Variants in ABCA1 observed in about 807,000 individuals in gnomAD.
ABCA1 encodes the protein ATP binding cassette subfamily A member 1, also known as phospholipid-transporting ATPase ABCA1.
ABCA1 carries 133 observed loss-of-function variants against 262.5 expected under a neutral mutation model. That is an observed-to-expected ratio of 0.51 (90% confidence interval 0.44 to 0.59). The LOEUF (loss-of-function observed/expected upper bound fraction) is 0.59. Among genes scored for constraint, ABCA1 ranks in the 20% least tolerant of loss-of-function variants. The pLI is 0.00. For synonymous variants in ABCA1, 1,022 were observed against 1,043.5 expected (o/e 0.98, Z 0.40); for missense variants, 2,452 against 2,777.5 (o/e 0.88, Z 2.63).
intron 7 of ABCA1, among the ~76,000 whole-genome samples, chr9:104,852,098 T>C (rs955623329): frequency 5.3e-5 from 8 of 152,262 alleles, no homozygotes; most frequent in Admixed American, 3.9e-4. Context: ...AATGTGTTCA[T>C]TGAAACATTT....
Position 104,818,725 on chromosome 9 carries a change from C to T in ABCA1, c.3400G>A (p.Asp1134Asn). 6.2e-7 allele frequency: 1 copy of T among 1,613,756 alleles called. No individual in the cohort carries two copies. The highest frequency in any genetic ancestry group is 8.5e-7 in the Non-Finnish European group (1 of 1,180,034). ...CAGGAACTGAGGGAGGATTCCACATCTTTCTTGACCAAGGTCAGGTAGTAG... is the reference window on the plus strand; with the variant it reads ...CAGGAACTGAGGGAGGATTCCACATTTTTCTTGACCAAGGTCAGGTAGTAG... ...TGYYLTLVKK[D>N]VESSLSSCRN... is the part of the protein sequence containing the mutation. The change falls in exon 23 of 50, where the codon GAT (aspartate) becomes AAT (asparagine). Residue 1134 changes from aspartate (D) to asparagine (N), a missense_variant. Transcript: ENST00000374736.
At chr9:104,887,485 T>C (rs1180783892) in intron 3 of ABCA1, among the ~76,000 whole-genome samples, 3 of 152,118 alleles carry the variant, frequency 2.0e-5, no homozygotes, top group African/African-American at 7.2e-5. Context: ...CCGAAGACAT[T>C]TGCTATTTCC....
chr9:104,796,537 ACT>A (rs1829912857), intron 37 of ABCA1, 113 bp from the exon 38 acceptor site: 2 of 796,392 alleles, frequency 2.5e-6, no homozygotes, highest in Non-Finnish European at 4.4e-6. Context: ...TTGGAGAGTA[ACT>A]CTGAATTAAT....
chr9:104,850,603 T>A (rs1176113606), intron 7 of ABCA1, among the ~76,000 whole-genome samples: 1 of 152,216 alleles, frequency 6.6e-6, no homozygotes, highest in African/African-American at 2.4e-5. Context: ...CTTCCTTGAA[T>A]AAAATTAACC....
intron 1 of ABCA1, among the ~76,000 whole-genome samples, chr9:104,907,038 C>G (rs1359924731): frequency 6.6e-6 from 1 of 152,162 alleles, no homozygotes; most frequent in African/African-American, 2.4e-5. Context: ...CTTTTGCCAG[C>G]TCCTCAGCAC....
intron 2 of ABCA1, among the ~76,000 whole-genome samples, chr9:104,899,254 A>G (rs922302718): frequency 6.6e-6 from 1 of 152,242 alleles, no homozygotes; most frequent in Non-Finnish European, 1.5e-5. Flanking sequence ...AGGAGTAAGG[A>G]CAGGGAAGAA....
intron 1 of ABCA1, among the ~76,000 whole-genome samples, chr9:104,923,185 C>A (rs1842239755): frequency 6.6e-6 from 1 of 152,196 alleles, no homozygotes; most frequent in Non-Finnish European, 1.5e-5. Context: ...TGTATTATAA[C>A]AAATTTTTAC....
chr9:104,908,869 C>T (rs543311268), intron 1 of ABCA1, among the ~76,000 whole-genome samples: 33 of 152,186 alleles, frequency 2.2e-4, no homozygotes, highest in African/African-American at 7.9e-4. Flanking sequence ...CAGTGGTGAC[C>T]AGTGGTCATG....
At chr9:104,917,158 A>G (rs143126847) in intron 1 of ABCA1, among the ~76,000 whole-genome samples, 5 of 152,306 alleles carry the variant, frequency 3.3e-5, no homozygotes, top group African/African-American at 1.2e-4. Flanking sequence ...AAAAGCACAA[A>G]CCTGGGAGTC....
chr9:104,796,058 C>T lies in ABCA1; in HGVS notation c.5377G>A (p.Asp1793Asn), dbSNP rs776042207. The part of the protein sequence containing the change: ...VATFVLELFT[D>N]NKLNNINDIL... The stretch of plus-strand genomic sequence containing the variant: ...GTTCTCTCTGCATGACTCACATTGT[C>T]GGTGAACAGCTCCAGCACAAAGGTG... The change falls in exon 39 of 50, where the codon GAC (aspartate) becomes AAC (asparagine). Residue 1793 changes from aspartate (D) to asparagine (N), a missense_variant. Asp to Asn is a conservative substitution (Grantham distance 23). Around this residue, in one of 4 missense-constraint regions of ABCA1, gnomAD observed 752 missense variants for 944.5 expected, o/e 0.80. Transcript: ENST00000374736. The T allele has an allele frequency of 3.5e-5, 57 of 1,612,486 alleles. No individual in the cohort carries two copies. Among genetic ancestry groups the T allele is most frequent in the Non-Finnish European group, 4.4e-5 (52 of 1,179,990 alleles).
intron 7 of ABCA1, among the ~76,000 whole-genome samples, chr9:104,856,300 A>G (rs1835833088): frequency 6.6e-6 from 1 of 152,164 alleles, no homozygotes; most frequent in Non-Finnish European, 1.5e-5. Flanking sequence ...ATTCTACTCT[A>G]ACTCAAGAGC....
intron 31 of ABCA1, among the ~76,000 whole-genome samples, chr9:104,805,443 G>A (rs1830679376): frequency 6.6e-6 from 1 of 152,096 alleles, no homozygotes; most frequent in African/African-American, 2.4e-5. Flanking sequence ...AGAATTGCTT[G>A]TCCTCATCCT....
intron 19 of ABCA1, among the ~76,000 whole-genome samples, chr9:104,822,156 C>A (rs1202626671): frequency 6.6e-6 from 1 of 152,186 alleles, no homozygotes; most frequent in East Asian, 1.9e-4. Context: ...GTGCTTCTCA[C>A]ATCTGCTTAG....
intron 5 of ABCA1, among the ~76,000 whole-genome samples, chr9:104,865,373 G>A (rs540323165): frequency 3.0e-4 from 45 of 152,208 alleles, no homozygotes; most frequent in Non-Finnish European, 5.7e-4. Flanking sequence ...AAAATTAGCT[G>A]AGTGTGGTGG....
intron 8 of ABCA1, among the ~76,000 whole-genome samples, chr9:104,844,008 AT>A (rs1193109054): frequency 4.6e-4 from 64 of 139,978 alleles, no homozygotes; most frequent in African/African-American, 6.9e-4. Flanking sequence ...CCTGCTTCCA[AT>A]TTTTTTTTTT....
chr9:104,872,043 AT>A (rs143281719), intron 5 of ABCA1, among the ~76,000 whole-genome samples: 2,548 of 152,248 alleles, frequency 0.017, 64 homozygotes, highest in African/African-American at 0.058. Context: ...AAATAGTTTA[AT>A]TTTTTTCTAA....
At position 104,788,967 on chromosome 9, in the gene ABCA1, A is replaced by G. The variant is rs532936344; in HGVS notation, c.5928-400T>C. ...ATGCACCAAATGAGAAGGCCCAGAA[A>G]TTTTGAGTGTGAGCAACACAGAACC... On this transcript the variant is annotated intron_variant, in intron 44 of 49. Coordinates refer to ENST00000374736, the MANE Select transcript of ABCA1 (RefSeq NM_005502.4). 2.0e-5 allele frequency among the ~76,000 whole-genome samples: 3 copies of G among 152,310 alleles called. No individual in the cohort carries two copies. The East Asian group carries it at 5.8e-4, about 29-fold the overall frequency.
At chr9:104,813,668 C>A (rs771093129) in intron 27 of ABCA1, among the ~76,000 whole-genome samples, 1 of 152,228 alleles carries the variant, frequency 6.6e-6, no homozygotes, top group Non-Finnish European at 1.5e-5. Flanking sequence ...CCACCTCAGC[C>A]TCTCAAAGCG....
intron 7 of ABCA1, among the ~76,000 whole-genome samples, chr9:104,856,615 T>C (rs1835861029): frequency 6.6e-6 from 1 of 152,216 alleles, no homozygotes; most frequent in East Asian, 1.9e-4. Context: ...CATTCTACTA[T>C]GAGTATAATT....
Sources: allele counts gnomAD v4.1 joint callset (sites outside exome capture counted in the v4.1 genomes callset), GRCh38; gene constraint gnomAD v4.1.1; regional missense constraint gnomAD v4.1.1; transcripts MANE v1.5; gene names NCBI Gene and HGNC (gene_info 2026-07-23, HGNC 2026-07-21).